Variants in MIPEP observed in about 807,000 individuals in gnomAD.
MIPEP encodes mitochondrial intermediate peptidase.
Under a neutral mutation model 90.3 loss-of-function variants are expected in MIPEP, and 79 were observed. The observed-to-expected ratio is 0.87, with a 90% CI of 0.73 to 1.05. MIPEP has a LOEUF of 1.05. MIPEP is among the 50% of genes least tolerant of loss of function. The pLI is 0.00. For missense variants in MIPEP, 940 were observed against 905.6 expected, an observed-to-expected ratio of 1.04 and a Z score of -0.49; for synonymous variants, 334 against 315.8, an observed-to-expected ratio of 1.06 and a Z score of -0.61.
At chr13:23,787,213 CAT>C (rs1952852231) in intron 16 of MIPEP, among the ~76,000 whole-genome samples, 1 of 152,156 alleles carries the variant, frequency 6.6e-6, no homozygotes, top group African/African-American at 2.4e-5. Flanking sequence ...AACAAAATAC[CAT>C]AGACTGGGTG....
At chr13:23,818,332 A>C (rs576076942) in intron 14 of MIPEP, among the ~76,000 whole-genome samples, 1 of 152,140 alleles carries the variant, frequency 6.6e-6, no homozygotes, top group Non-Finnish European at 1.5e-5. Context: ...AGGCATGAGA[A>C]TCGCTGGAAC....
chr13:23,812,471 C>T (rs1953185312), intron 14 of MIPEP, among the ~76,000 whole-genome samples: 1 of 76,722 alleles, frequency 1.3e-5, no homozygotes, highest in Non-Finnish European at 2.6e-5. Context: ...GTCCCATCTC[C>T]ACCCTGAGAA....
chr13:23,742,427 G>A (rs1436671771), intron 18 of MIPEP, among the ~76,000 whole-genome samples: 1 of 152,152 alleles, frequency 6.6e-6, no homozygotes, highest in East Asian at 1.9e-4. Flanking sequence ...TTGGAGTTTA[G>A]TATAATGTTT....
intron 14 of MIPEP, among the ~76,000 whole-genome samples, chr13:23,835,126 T>A (rs1868977623): frequency 6.6e-6 from 1 of 151,640 alleles, no homozygotes; most frequent in Non-Finnish European, 1.5e-5. Context: ...GTTCAAGTGA[T>A]TCTCCTGCCT....
chr13:23,753,456 T>C (rs1162554842), intron 18 of MIPEP, among the ~76,000 whole-genome samples: 1 of 152,170 alleles, frequency 6.6e-6, no homozygotes, highest in East Asian at 1.9e-4. Flanking sequence ...CAAATGGTAT[T>C]TGGTGTGTTA....
chr13:23,830,708 T>C (rs1005909109), intron 14 of MIPEP, among the ~76,000 whole-genome samples: 1 of 152,218 alleles, frequency 6.6e-6, no homozygotes, highest in South Asian at 2.1e-4. Flanking sequence ...CTTTACATGG[T>C]ATCCTTCAAA....
chr13:23,858,318 A>AGCTTAAGTTC (rs1870132072), intron 10 of MIPEP, among the ~76,000 whole-genome samples: 1 of 152,048 alleles, frequency 6.6e-6, no homozygotes, highest in Admixed American at 6.6e-5. Context: ...CCAGAGGAGT[A>AGCTTAAGTTC]CTTCTGTCAA....
At chr13:23,809,791 T>A in intron 15 of MIPEP, 59 bp downstream of exon 15, 1 of 1,003,702 alleles carries the variant, frequency 1.0e-6, no homozygotes, top group Admixed American at 2.0e-5. Flanking sequence ...GAATGTAAAG[T>A]TATATATTTA....
chr13:23,834,151 C>T (rs569994568), intron 14 of MIPEP, among the ~76,000 whole-genome samples: 1 of 152,266 alleles, frequency 6.6e-6, no homozygotes, highest in South Asian at 2.1e-4. Flanking sequence ...AGGGGCCGAG[C>T]CCCCGGAGCC....
intron 9 of MIPEP, among the ~76,000 whole-genome samples, chr13:23,860,285 G>C (rs1016470956): frequency 6.6e-6 from 1 of 152,236 alleles, no homozygotes; most frequent in African/African-American, 2.4e-5. Flanking sequence ...AGATGAGAAA[G>C]GGAGAAAGGC....
chr13:23,862,233 G>T, intron 9 of MIPEP, 69 bp downstream of exon 9: 3 of 963,734 alleles, frequency 3.1e-6, no homozygotes, highest in South Asian at 1.5e-5. Flanking sequence ...GAAAGTTCCT[G>T]AATCAAAAGA....
At chr13:23,847,909 C>G (rs1164983420) in intron 10 of MIPEP, among the ~76,000 whole-genome samples, 1 of 152,144 alleles carries the variant, frequency 6.6e-6, no homozygotes, top group Non-Finnish European at 1.5e-5. Flanking sequence ...CATCAAGAAT[C>G]AAGAATCTCC....
intron 18 of MIPEP, among the ~76,000 whole-genome samples, chr13:23,747,830 T>C (rs1334115437): frequency 1.3e-5 from 2 of 152,156 alleles, no homozygotes; most frequent in Admixed American, 6.5e-5. Flanking sequence ...AACCTCTGCC[T>C]CCCGGGTTCA....
intron 7 of MIPEP, 144 bp downstream of exon 7, chr13:23,869,148 T>C (rs1870666671): frequency 1.4e-6 from 1 of 695,242 alleles, no homozygotes; most frequent in Non-Finnish European, 2.2e-6. Context: ...TAAAAATGGT[T>C]CCTATAAAAA....
intron 16 of MIPEP, among the ~76,000 whole-genome samples, chr13:23,767,618 A>C (rs1299440136): frequency 6.6e-6 from 1 of 151,692 alleles, no homozygotes; most frequent in African/African-American, 2.4e-5. Context: ...TGCCCAGCTA[A>C]TTTTTTTGTA....
chr13:23,840,463 C>T (rs1267574300), intron 11 of MIPEP, among the ~76,000 whole-genome samples: 2 of 152,214 alleles, frequency 1.3e-5, no homozygotes. Context: ...AACCCTTCAT[C>T]ACCCGCATTT....
intron 1 of MIPEP, chr13:23,888,782 T>TA: frequency 9.4e-7 from 1 of 1,060,124 alleles, no homozygotes; most frequent in South Asian, 4.6e-5. Context: ...GCGCTGGAGC[T>TA]AAAGGGCTTT....
rs767489584 is a variant in MIPEP, at chr13:23,869,452, C to G, written c.787-4G>C. On this transcript the variant is annotated splice_region_variant and splice_polypyrimidine_tract_variant and intron_variant, in intron 6 of 18. Transcript: ENST00000382172. ...TTTTATAAGCAGCTTCTCGCACCTA[C>G]GTTTAAAAAGTAAATGGTGAAGGCT... 2 of 1,598,810 alleles carry G rather than the reference C, an allele frequency of 1.3e-6. No homozygotes were observed. Among genetic ancestry groups the G allele is most frequent in the Non-Finnish European group, 1.7e-6 (2 of 1,174,706 alleles).
At chr13:23,807,512 T>G (rs1176191656) in intron 15 of MIPEP, among the ~76,000 whole-genome samples, 3 of 152,222 alleles carry the variant, frequency 2.0e-5, no homozygotes, top group African/African-American at 7.2e-5. Flanking sequence ...GAATTATGGT[T>G]CTAAATTATA....
Sources: gnomAD v4.1 joint callset for allele counts (sites outside exome capture counted in the v4.1 genomes callset) on GRCh38, gnomAD v4.1.1 for gene constraint, MANE v1.5 for transcripts, NCBI Gene and HGNC (gene_info 2026-07-23, HGNC 2026-07-21) for gene names.